ASMT: variants seen among roughly 807,000 people sequenced by gnomAD.
ASMT encodes the protein acetylserotonin N-methyltransferase.
ASMT carries 53 observed loss-of-function variants against 41.3 expected under a neutral mutation model. The observed-to-expected ratio is 1.28, with a 90% CI of 1.03 to 1.61. The LOEUF (loss-of-function observed/expected upper bound fraction) is 1.61. Among genes scored for constraint, ASMT ranks in the 40% most tolerant of loss-of-function variants. ASMT has a pLI of 0.00. For missense variants in ASMT, 531 were observed against 441.3 expected (o/e 1.20, Z -1.82); for synonymous variants, 231 against 184.8 (o/e 1.25, Z -2.03).
intron 7 of ASMT, among the ~76,000 whole-genome samples, chrX:1,633,491 A>T (rs5989839): frequency 0.072 from 10,983 of 151,850 alleles, 1,291 homozygotes; most frequent in African/African-American, 0.25. Context: ...TATTATTATT[A>T]TTGATACAGA....
intron 3 of ASMT, 126 bp downstream of exon 3, chrX:1,624,524 T>C: frequency 7.1e-7 from 1 of 1,407,206 alleles, no homozygotes; most frequent in Non-Finnish European, 9.4e-7. Flanking sequence ...TGCTGGGAGG[T>C]GGGGGCTGAC....
intron 6 of ASMT, 55 bp downstream of exon 6, chrX:1,632,842 GGGGCCTGTCA>G: frequency 2.0e-6 from 1 of 501,064 alleles, no homozygotes; most frequent in South Asian, 2.1e-5. Context: ...GTCACACACT[GGGGCCTGTCA>G]GGGCCTGGGG....
At chrX:1,616,183 C>G (rs1422331504) in intron 1 of ASMT, among the ~76,000 whole-genome samples, 2 of 139,642 alleles carry the variant, frequency 1.4e-5, no homozygotes, top group Non-Finnish European at 3.2e-5. Context: ...CACCCACCAC[C>G]ACGCCCGGCT....
At chrX:1,641,787 T>C (rs1257126031) in intron 8 of ASMT, among the ~76,000 whole-genome samples, 2 of 147,960 alleles carry the variant, frequency 1.4e-5, no homozygotes, top group African/African-American at 5.0e-5. Flanking sequence ...ATAAGGACAG[T>C]GTTCCAGCTC....
intron 2 of ASMT, 46 bp from the exon 3 acceptor site, chrX:1,624,223 C>T: frequency 6.2e-7 from 1 of 1,613,312 alleles, no homozygotes; most frequent in Non-Finnish European, 8.5e-7. Flanking sequence ...CCGGCAGGAA[C>T]TCGGAATCTC....
At chrX:1,616,832 C>G (rs1379027886) in intron 1 of ASMT, among the ~76,000 whole-genome samples, 1 of 151,482 alleles carries the variant, frequency 6.6e-6, no homozygotes, top group Non-Finnish European at 1.5e-5. Context: ...CCTCAGCCTC[C>G]CGAGTAGCTG....
chrX:1,615,068 C>T lies in ASMT; in HGVS notation c.-132C>T. ...AGAGTGATCCGTCTTTGTTTGAGTA[C>T]TGGGCAGGCAGCAGGGAGAGTCAGG... On this transcript the variant is annotated 5_prime_UTR_variant, in exon 1 of 9. Transcript: ENST00000381241. 1.3e-6 allele frequency: 1 copy of T among 762,054 alleles called. No homozygotes were observed. Among genetic ancestry groups the T allele is most frequent in the Non-Finnish European group, 2.3e-6 (1 of 426,896 alleles). The allele number at this position is 762,054 out of a possible 1,614,324, so 47.2% of individuals were successfully genotyped here. A position where few individuals can be genotyped will look rare whatever the true frequency, so the allele number is the denominator to read the frequency against.
At chrX:1,618,982 A>G (rs1934237195) in intron 1 of ASMT, among the ~76,000 whole-genome samples, 2 of 152,230 alleles carry the variant, frequency 1.3e-5, no homozygotes, top group Non-Finnish European at 2.9e-5. Flanking sequence ...ACAGAACCAG[A>G]GTTAATGCAG....
intron 7 of ASMT, among the ~76,000 whole-genome samples, chrX:1,634,315 A>G (rs773330235): frequency 1.3e-5 from 2 of 152,270 alleles, no homozygotes; most frequent in African/African-American, 2.4e-5. Flanking sequence ...ACAGCAATCA[A>G]TTCCCCCAAC....
chrX:1,636,326 G>A, intron 7 of ASMT, 112 bp from the exon 8 acceptor site: 1 of 1,506,400 alleles, frequency 6.6e-7, no homozygotes, highest in South Asian at 1.1e-5. Context: ...GACTAGCCTG[G>A]AAGACCTGGG....
Position 1,641,542 on chromosome X carries a change from C to T in ASMT, c.911-1261C>T, listed in dbSNP as rs1237385415. On this transcript the variant is annotated intron_variant, in intron 8 of 8. Transcript: ENST00000381241. Reference sequence around the variant, plus strand: ...TCTGTGTGTGTGTTGGGGACAGTGTCCCAGTTCTCCTGTGAGGTCCACCCA... The same window carrying T: ...TCTGTGTGTGTGTTGGGGACAGTGTTCCAGTTCTCCTGTGAGGTCCACCCA... Among the ~76,000 whole-genome samples the T allele has an allele frequency of 1.3e-4, 19 of 147,184 alleles. 1 individual carries two copies. The highest frequency in any genetic ancestry group is 1.0e-3 in the East Asian group (5 of 4,786).
Position 1,624,310 on chromosome X carries a change from A to T in ASMT, c.286A>T (p.Thr96Ser). ...AGAGCTGTCCAGCGACTACCTGACC[A>T]CGGTCAGCCCGACGTCACAATGCAG... is the stretch of plus-strand genomic sequence containing the variant. ...NTELSSDYLTTVSPTSQCSML... is the reference protein window; with the variant it reads ...NTELSSDYLTSVSPTSQCSML... Residue 96 changes from threonine to serine, a missense_variant, in exon 3 of 9, where the codon ACG becomes TCG. By Grantham distance (58) the Thr-to-Ser change is moderately conservative. Coordinates refer to ENST00000381241, the MANE Select transcript of ASMT (RefSeq NM_001171038.2). The T allele has an allele frequency of 6.2e-7, 1 of 1,613,962 alleles. No individual in the cohort carries two copies.
intron 3 of ASMT, among the ~76,000 whole-genome samples, chrX:1,625,916 C>CT (rs1934530160): frequency 7.0e-6 from 1 of 143,088 alleles, no homozygotes; most frequent in South Asian, 2.3e-4. Context: ...GATCGCACCA[C>CT]TGCACTCCAG....
intron 8 of ASMT, 86 bp downstream of exon 8, chrX:1,636,646 T>C: frequency 6.2e-7 from 1 of 1,606,294 alleles, no homozygotes. Flanking sequence ...GGCACTGAAA[T>C]CATCCCACAG....
intron 1 of ASMT, among the ~76,000 whole-genome samples, chrX:1,619,846 C>T (rs1220545842): frequency 6.6e-6 from 1 of 150,412 alleles, no homozygotes; most frequent in African/African-American, 2.4e-5. Context: ...AATCTGAGCA[C>T]TTTGGGAGGC....
intron 1 of ASMT, among the ~76,000 whole-genome samples, chrX:1,621,915 G>C (rs1278855166): frequency 2.0e-5 from 3 of 151,736 alleles, no homozygotes; most frequent in Admixed American, 2.0e-4. Context: ...GGCTGGTCAC[G>C]AACTCACAAC....
At chrX:1,626,075 T>A (rs1327420524) in intron 3 of ASMT, among the ~76,000 whole-genome samples, 13 of 152,124 alleles carry the variant, frequency 8.5e-5, no homozygotes, top group East Asian at 3.9e-4. Context: ...ACTGTTACTG[T>A]TTCCTATCTG....
chrX:1,636,972 C>T (rs1935000096), intron 8 of ASMT, among the ~76,000 whole-genome samples: 1 of 77,888 alleles, frequency 1.3e-5, no homozygotes, highest in Non-Finnish European at 2.5e-5. Flanking sequence ...CCTGATGGCA[C>T]ATGAGGATGT....
Position 1,636,420 on chromosome X carries a change from G to A in ASMT, c.788-18G>A. The A allele has an allele frequency of 6.2e-7, 1 of 1,613,900 alleles. No homozygotes were observed. ...TTGGATTGCAGGCTGACCTCGGTGT[G>A]CCTGCCCTGTGTTCCAGGGGATTTC... On this transcript the variant is annotated intron_variant, in intron 7 of 8. Coordinates refer to ENST00000381241, the MANE Select transcript of ASMT (RefSeq NM_001171038.2).
Sources: allele counts gnomAD v4.1 joint callset (sites outside exome capture counted in the v4.1 genomes callset), GRCh38; gene constraint gnomAD v4.1.1; transcripts MANE v1.5; gene names NCBI Gene and HGNC (gene_info 2026-07-23, HGNC 2026-07-21).